The following MROH7 variants were observed in gnomAD, a reference collection of about 807,000 sequenced individuals.
MROH7 encodes the protein maestro heat like repeat family member 7, also known as maestro heat-like repeat-containing protein family member 7.
A neutral mutation model predicts 129.2 loss-of-function variants in MROH7; 113 were observed. That is an observed-to-expected ratio of 0.87 (90% confidence interval 0.75 to 1.02). The LOEUF (loss-of-function observed/expected upper bound fraction) is 1.02. Among genes scored for constraint, MROH7 ranks in the 50% least tolerant of loss-of-function variants. MROH7 has a pLI of 0.00. For synonymous variants in MROH7, 655 were observed against 667.9 expected (o/e 0.98, Z 0.30); for missense variants, 1,601 against 1,671.3 (o/e 0.96, Z 0.73).
chr1:54,708,247 CAT>C (rs1645565816), intron 22 of MROH7, among the ~76,000 whole-genome samples: 1 of 152,032 alleles, frequency 6.6e-6, no homozygotes. Context: ...AGCAAGACCC[CAT>C]CTCTACAAAA....
chr1:54,670,365 G>T, intron 5 of MROH7, 132 bp from the exon 6 acceptor site: 1 of 674,082 alleles, frequency 1.5e-6, no homozygotes, highest in Non-Finnish European at 2.6e-6. Flanking sequence ...AGTTACTTGG[G>T]AAGCTGAGGC....
chr1:54,706,341 G>C (rs1645533108), intron 21 of MROH7, 94 bp from the exon 22 acceptor site: 3 of 865,526 alleles, frequency 3.5e-6, no homozygotes, highest in Non-Finnish European at 5.7e-6. Context: ...TGGGAGGCAG[G>C]GGGTGAGGGT....
At chr1:54,682,832 C>T (rs765636833) in intron 14 of MROH7, 38 bp downstream of exon 14, 3 of 1,594,272 alleles carry the variant, frequency 1.9e-6, no homozygotes, top group African/African-American at 2.7e-5. Flanking sequence ...TGCTGCCTGT[C>T]CTGCCCTTCC....
At chr1:54,657,848 A>T (rs1357935976) in intron 3 of MROH7, among the ~76,000 whole-genome samples, 1 of 151,898 alleles carries the variant, frequency 6.6e-6, no homozygotes, top group African/African-American at 2.4e-5. Context: ...TTTAGTAGAG[A>T]TGGGGTTTTA....
intron 2 of MROH7, 98 bp downstream of exon 2, chr1:54,652,081 T>C (rs2101064166): frequency 6.6e-6 from 1 of 152,622 alleles, no homozygotes; most frequent in East Asian, 1.9e-4. Flanking sequence ...TAGATTGCTG[T>C]GTTAAGGCAG....
intron 17 of MROH7, chr1:54,699,696 A>G (rs1645401548): frequency 4.8e-6 from 1 of 207,064 alleles, no homozygotes; most frequent in Non-Finnish European, 9.8e-6. Context: ...GGGCCCATGG[A>G]GGAACAACTC....
At chr1:54,673,309 A>T in intron 8 of MROH7, 123 bp downstream of exon 8, 1 of 706,696 alleles carries the variant, frequency 1.4e-6, no homozygotes, top group Non-Finnish European at 2.5e-6. Flanking sequence ...ATCTTGTGTG[A>T]GTGTTCTGCC....
At chr1:54,659,309 G>A (rs1222445695) in intron 3 of MROH7, 1 of 175,212 alleles carries the variant, frequency 5.7e-6, no homozygotes. Context: ...TTGAGATGGA[G>A]TCTCACTCTG....
chr1:54,709,258 C>T (rs565082218), intron 23 of MROH7, among the ~76,000 whole-genome samples, 182 bp downstream of exon 23: 6 of 152,282 alleles, frequency 3.9e-5, no homozygotes, highest in Admixed American at 2.0e-4. Context: ...CTCACTCTAT[C>T]GCCCAGGCTG....
intron 3 of MROH7, among the ~76,000 whole-genome samples, chr1:54,657,277 C>T (rs1644664534): frequency 6.6e-6 from 1 of 152,030 alleles, no homozygotes; most frequent in Non-Finnish European, 1.5e-5. Flanking sequence ...TCTTGAACTT[C>T]TGGGCTCAAG....
intron 16 of MROH7, among the ~76,000 whole-genome samples, chr1:54,693,737 C>T (rs1391682702): frequency 1.3e-5 from 2 of 152,176 alleles, no homozygotes; most frequent in Non-Finnish European, 2.9e-5. Flanking sequence ...GCCCTGTACC[C>T]TGAGTGCCCC....
At chr1:54,652,761 C>T in intron 2 of MROH7, 92 bp from the exon 3 acceptor site, 1 of 945,256 alleles carries the variant, frequency 1.1e-6, no homozygotes. Flanking sequence ...TTGTAAGTCA[C>T]AGCAAGGGGC....
chr1:54,673,647 C>A, intron 8 of MROH7, 54 bp from the exon 9 acceptor site: 1 of 1,393,728 alleles, frequency 7.2e-7, no homozygotes, highest in Non-Finnish European at 1.0e-6. Context: ...GTCCACCCAG[C>A]AGCAGGGGCT....
chr1:54,706,303 G>A (rs140844224), intron 21 of MROH7, 132 bp from the exon 22 acceptor site: 27 of 680,982 alleles, frequency 4.0e-5, no homozygotes, highest in African/African-American at 3.9e-4. Flanking sequence ...GGCCTGTGGG[G>A]GACTCATGCA....
chr1:54,677,817 GGACACAGGAGT>G (rs1645005835), intron 10 of MROH7, among the ~76,000 whole-genome samples: 1 of 152,160 alleles, frequency 6.6e-6, no homozygotes, highest in Non-Finnish European at 1.5e-5. Flanking sequence ...TAGGATATGG[GGACACAGGAGT>G]GGGGAAAAGA....
At chr1:54,697,317 G>GT (rs1645339326) in intron 17 of MROH7, 1 of 249,586 alleles carries the variant, frequency 4.0e-6, no homozygotes, top group Non-Finnish European at 7.6e-6. Context: ...GCCACTGCAG[G>GT]TGGGCTATGA....
intron 10 of MROH7, among the ~76,000 whole-genome samples, chr1:54,677,987 G>A (rs1274000455): frequency 6.6e-6 from 1 of 152,192 alleles, no homozygotes; most frequent in Non-Finnish European, 1.5e-5. Flanking sequence ...AGGGGTAGGG[G>A]ATTGCAGTTT....
intron 15 of MROH7, among the ~76,000 whole-genome samples, chr1:54,691,226 T>C (rs143377141): frequency 1.7e-4 from 26 of 152,294 alleles, no homozygotes; most frequent in African/African-American, 5.8e-4. Flanking sequence ...TTTCAAAGAA[T>C]AAGCACAGAG....
At position 54,709,046 on chromosome 1, in the gene MROH7, A is replaced by G. The variant is rs1645580915; in HGVS notation, c.3700A>G (p.Thr1234Ala). 6.2e-7 allele frequency: 1 copy of G among 1,614,188 alleles called. No homozygotes were observed. The highest frequency in any genetic ancestry group is 8.5e-7 in the Non-Finnish European group (1 of 1,180,026). ...GGTCCCCTGCATGGAGAGCATAATG[A>G]CAGAAGATCGTCTGAATGAAGTGAA... ...SLVPCMESIM[T>A]EDRLNEVKAA... The change falls in exon 23 of 24, where the codon ACA becomes GCA. Residue 1234 changes from threonine to alanine, a missense_variant. Thr to Ala is a moderately conservative substitution (Grantham distance 58). Transcript: ENST00000421030.
Sources: gnomAD v4.1 joint callset for allele counts (sites outside exome capture counted in the v4.1 genomes callset) on GRCh38, gnomAD v4.1.1 for gene constraint, MANE v1.5 for transcripts, NCBI Gene and HGNC (gene_info 2026-07-23, HGNC 2026-07-21) for gene names.